The following ZNF280D variants were observed in gnomAD, a reference collection of about 807,000 sequenced individuals.
The protein encoded by ZNF280D is zinc finger protein 280D.
ZNF280D carries 39 observed loss-of-function variants against 94.7 expected under a neutral mutation model. The ratio of observed to expected loss-of-function variants is 0.41; its 90% CI spans 0.32 to 0.54. The LOEUF is 0.54. Ranked by LOEUF, ZNF280D falls within the 20% of genes least tolerant of loss-of-function variation. ZNF280D has a pLI of 0.22. For synonymous variants in ZNF280D, 398 were observed against 377.6 expected (o/e 1.05, Z -0.63); for missense variants, 1,090 against 1,149.3 (o/e 0.95, Z 0.75).
chr15:56,682,550 T>G, intron 9 of ZNF280D, 73 bp from the exon 10 acceptor site: 1 of 994,110 alleles, frequency 1.0e-6, no homozygotes, highest in Non-Finnish European at 1.4e-6. Context: ...AAAAAGTGAT[T>G]GTGTGTTTAC....
At chr15:56,671,349 G>A (rs1012313195) in intron 13 of ZNF280D, among the ~76,000 whole-genome samples, 1 of 152,114 alleles carries the variant, frequency 6.6e-6, no homozygotes, top group Non-Finnish European at 1.5e-5. Context: ...GTTAATTTTG[G>A]TGTATGATGT....
At chr15:56,724,156 C>T (rs908825193) in intron 1 of ZNF280D, among the ~76,000 whole-genome samples, 4 of 152,104 alleles carry the variant, frequency 2.6e-5, no homozygotes, top group African/African-American at 9.7e-5. Context: ...TGCTGTCACA[C>T]CATCATAAAG....
rs1480447311 is a variant in ZNF280D at position 56,676,697 on chromosome 15, T to C, written c.1383A>G (p.Pro461=). The change falls in exon 13 of 22, where the codon CCA becomes CCG. Residue 461 remains proline (P), a synonymous_variant. Transcript: ENST00000267807. ...FCLKVIKIAT[P]YMHHYMKHQK... ...GATGCTTCATATAATGATGCATATATGGTGTTGCAATTTTAATAACTTTGA... is the reference window on the plus strand; with the variant it reads ...GATGCTTCATATAATGATGCATATACGGTGTTGCAATTTTAATAACTTTGA... 9 of 1,612,496 alleles carry C rather than the reference T, an allele frequency of 5.6e-6. No individual in the cohort carries two copies. The highest frequency in any genetic ancestry group is 7.6e-6 in the Non-Finnish European group (9 of 1,179,074).
rs145039752 is a variant in ZNF280D, at chr15:56,691,087, G to A, written c.500-1617C>T. Among the ~76,000 whole-genome samples, 122 of 151,904 alleles carry A rather than the reference G, an allele frequency of 8.0e-4. 2 individuals carry two copies. The East Asian group carries it at 0.023, about 29-fold the overall frequency. ...ACTTAAGGCACCCAACAAAACATTT[G>A]GTACACAGAAAGCACTCAGTAATAA... On this transcript the variant is annotated intron_variant, in intron 7 of 21. Transcript: ENST00000267807.
intron 6 of ZNF280D, among the ~76,000 whole-genome samples, chr15:56,694,237 CAATAT>C (rs2056598102): frequency 6.7e-6 from 1 of 149,976 alleles, no homozygotes; most frequent in Non-Finnish European, 1.5e-5. Flanking sequence ...AAAATATGGT[CAATAT>C]AATTTAGGGA....
In ZNF280D at chr15:56,693,193, C is replaced by T. The variant is rs370364782; in HGVS notation, c.404G>A (p.Arg135Gln). 582 of 1,589,356 alleles carry T rather than the reference C, an allele frequency of 3.7e-4. 3 individuals carry two copies. In the South Asian group the frequency reaches 6.3e-3, roughly 17 times the overall value. The change falls in exon 7 of 22, where the codon CGA (arginine) becomes CAA (glutamine). Residue 135 changes from arginine (R) to glutamine (Q), a missense_variant. Coordinates refer to ENST00000267807, the MANE Select transcript of ZNF280D (RefSeq NM_017661.4). ...SKPGYITNSSRVVSNKSSELL... is the reference protein window; with the variant it reads ...SKPGYITNSSQVVSNKSSELL... ...CTCTGATGACTTATTAGACACAACT[C>T]GTGATGAGTTTGTTATATAACCCTG...
rs1289633399 is a variant in ZNF280D at position 56,700,916 on chromosome 15, G to A, written c.381+17C>T. 2.5e-6 allele frequency: 4 copies of A among 1,613,680 alleles called. No homozygotes were observed. The Admixed American group carries it at 6.7e-5, about 27-fold the overall frequency. On this transcript the variant is annotated intron_variant, in intron 6 of 21. Coordinates refer to ENST00000267807, the MANE Select transcript of ZNF280D (RefSeq NM_017661.4). ...AATGGATCCCTGAGCTGGCCGTATA[G>A]TTTTAGAAACACTTACAGGTTTAGA...
At chr15:56,721,728 T>A (rs914299035) in intron 1 of ZNF280D, among the ~76,000 whole-genome samples, 4 of 152,212 alleles carry the variant, frequency 2.6e-5, no homozygotes, top group African/African-American at 9.6e-5. Flanking sequence ...GCCTTTGGCT[T>A]AAGGGAATGT....
intron 6 of ZNF280D, among the ~76,000 whole-genome samples, chr15:56,695,937 A>C (rs2141134456): frequency 6.6e-6 from 1 of 152,270 alleles, no homozygotes; most frequent in Non-Finnish European, 1.5e-5. Flanking sequence ...ACTTTTCTAA[A>C]CTCTGTCCCC....
intron 19 of ZNF280D, among the ~76,000 whole-genome samples, chr15:56,648,467 C>T (rs1389889885): frequency 2.0e-5 from 3 of 151,744 alleles, no homozygotes; most frequent in African/African-American, 7.3e-5. Context: ...CTTGGCCAAT[C>T]ACAAACAAGG....
chr15:56,710,670 T>A (rs910423649), intron 1 of ZNF280D, among the ~76,000 whole-genome samples: 82 of 152,228 alleles, frequency 5.4e-4, no homozygotes, highest in African/African-American at 2.0e-3. Context: ...ATAAAAAAAA[T>A]TAGAAATCAA....
intron 14 of ZNF280D, 66 bp from the exon 15 acceptor site, chr15:56,667,052 G>T: frequency 8.3e-7 from 1 of 1,203,884 alleles, no homozygotes; most frequent in Non-Finnish European, 1.1e-6. Flanking sequence ...AAATATCATG[G>T]TACAAAAATA....
chr15:56,701,352 T>C, intron 4 of ZNF280D, 114 bp from the exon 5 acceptor site: 1 of 672,882 alleles, frequency 1.5e-6, no homozygotes, highest in Non-Finnish European at 2.4e-6. Context: ...AGTATATAAC[T>C]AATCACTGAT....
intron 20 of ZNF280D, among the ~76,000 whole-genome samples, chr15:56,640,715 C>T (rs1404034786): frequency 5.9e-5 from 9 of 152,058 alleles, no homozygotes; most frequent in Admixed American, 5.9e-4. Flanking sequence ...TTACAGTAAG[C>T]TTCATTTGCA....
intron 1 of ZNF280D, among the ~76,000 whole-genome samples, chr15:56,713,033 C>A (rs1261764101): frequency 2.6e-5 from 4 of 152,060 alleles, no homozygotes; most frequent in African/African-American, 9.7e-5. Context: ...AGCCACCATG[C>A]CCGGTCAAAT....
At chr15:56,654,162 T>C (rs1201145900) in intron 19 of ZNF280D, 36 bp downstream of exon 19, 11 of 1,592,374 alleles carry the variant, frequency 6.9e-6, no homozygotes, top group African/African-American at 1.4e-5. Context: ...CTAAAATCCA[T>C]CAAAGTAAAA....
Position 56,631,396 on chromosome 15 carries a change from A to T in ZNF280D, c.*102T>A. On this transcript the variant is annotated 3_prime_UTR_variant, in exon 22 of 22. Coordinates refer to ENST00000267807, the MANE Select transcript of ZNF280D (RefSeq NM_017661.4). ...AAAGTGTATGTGTGACCTCCCTTAC[A>T]TATTTCCATTTCTGAACCTACAACA... 1 of 1,261,916 alleles carries T rather than the reference A, an allele frequency of 7.9e-7. No homozygotes were observed. Among genetic ancestry groups the T allele is most frequent in the South Asian group, 1.4e-5 (1 of 70,108 alleles). The allele number at this position is 1,261,916 out of a possible 1,614,324, so 78.2% of individuals were successfully genotyped here.
intron 19 of ZNF280D, among the ~76,000 whole-genome samples, chr15:56,645,537 C>A (rs1217444860): frequency 6.6e-6 from 1 of 152,086 alleles, no homozygotes; most frequent in African/African-American, 2.4e-5. Flanking sequence ...TAGGAGCAAT[C>A]CATACAAAAT....
Position 56,658,563 on chromosome 15 carries a change from T to C in ZNF280D, c.1995-77A>G, listed in dbSNP as rs1206767623. 3.0e-6 allele frequency: 3 copies of C among 1,000,864 alleles called. No homozygotes were observed. The African/African-American group carries it at 5.1e-5, about 17-fold the overall frequency. The allele number at this position is 1,000,864 out of a possible 1,614,324, so 62.0% of individuals were successfully genotyped here. A position where few individuals can be genotyped will look rare whatever the true frequency, so the allele number is the denominator to read the frequency against. ...AATTTATAACTATATTTCAAGTCCA[T>C]ACTTAAGTTTCTAGTTTGTAATAAA... On this transcript the variant is annotated intron_variant, in intron 16 of 21. Coordinates refer to ENST00000267807, the MANE Select transcript of ZNF280D (RefSeq NM_017661.4).
Sources: gnomAD v4.1 joint callset for allele counts (sites outside exome capture counted in the v4.1 genomes callset) on GRCh38, gnomAD v4.1.1 for gene constraint, MANE v1.5 for transcripts, NCBI Gene and HGNC (gene_info 2026-07-23, HGNC 2026-07-21) for gene names.